The following DLGAP2 variants were observed in gnomAD, a reference collection of about 807,000 sequenced individuals.
DLGAP2 encodes the protein disks large-associated protein 2.
In DLGAP2, 26 loss-of-function variants were observed where a neutral mutation model predicts 100.3. The observed-to-expected ratio is 0.26, with a 90% CI of 0.19 to 0.36. DLGAP2 has a LOEUF of 0.36. DLGAP2 is among the 10% of genes least tolerant of loss of function. The pLI is 1.00. For synonymous variants in DLGAP2, 886 were observed against 630.1 expected (o/e 1.41, Z -6.08); for missense variants, 1,858 against 1,453.2 (o/e 1.28, Z -4.53).
At chr8:871,035 T>A (rs1797587497) in intron 1 of DLGAP2, among the ~76,000 whole-genome samples, 1 of 152,208 alleles carries the variant, frequency 6.6e-6, no homozygotes, top group Non-Finnish European at 1.5e-5. Flanking sequence ...GACTCAGTGG[T>A]CCCCTTAACC....
rs191557113 is a variant in DLGAP2, at chr8:1,438,024, A to C, written c.107-63342A>C. Among the ~76,000 whole-genome samples, 235 of 152,136 alleles carry C rather than the reference A, an allele frequency of 1.5e-3. 1 individual carries two copies. Among genetic ancestry groups the C allele is most frequent in the African/African-American group, 5.4e-3 (223 of 41,512 alleles). ...TGAATAAAATAAAAACCAAAGTAGG[A>C]AAAGAGGCCTAAGTTAAAATTTGGT... On this transcript the variant is annotated intron_variant, in intron 3 of 14. Coordinates refer to ENST00000637795, the MANE Select transcript of DLGAP2 (RefSeq NM_001346810.2).
chr8:977,592 A>G (rs562559165), intron 2 of DLGAP2, among the ~76,000 whole-genome samples: 17 of 152,260 alleles, frequency 1.1e-4, no homozygotes, highest in Middle Eastern at 6.3e-3. Context: ...AATGAGTTTT[A>G]ACAGGATCCA....
rs1799743976 is a variant in DLGAP2 at position 1,707,684 on chromosome 8, G to A, written c.*6278G>A. On this transcript the variant is annotated 3_prime_UTR_variant, in exon 15 of 15. Coordinates refer to ENST00000637795, the MANE Select transcript of DLGAP2 (RefSeq NM_001346810.2). ...TCCATACTACAGACCAAAATACCCA[G>A]GTGTGGCCTAAGGACTATATTAAAT... The A allele has an allele frequency of 6.6e-6, 1 of 152,010 alleles. No homozygotes were observed. Among genetic ancestry groups the A allele is most frequent in the Non-Finnish European group, 1.5e-5 (1 of 68,022 alleles). The allele number at this position is 152,010 out of a possible 1,614,324, so 9.4% of individuals were successfully genotyped here. A position where few individuals can be genotyped will look rare whatever the true frequency, so the allele number is the denominator to read the frequency against.
intron 3 of DLGAP2, among the ~76,000 whole-genome samples, chr8:1,411,260 T>C (rs1796722747): frequency 6.6e-6 from 1 of 152,212 alleles, no homozygotes; most frequent in Non-Finnish European, 1.5e-5. Flanking sequence ...CAATGTGCAA[T>C]GCATAGCTAC....
chr8:1,603,278 T>G (rs1362395832), intron 6 of DLGAP2, among the ~76,000 whole-genome samples: 5 of 149,092 alleles, frequency 3.4e-5, no homozygotes, highest in African/African-American at 1.2e-4. Context: ...GTCTCAGTTC[T>G]GTAGAGGCTG....
At chr8:1,577,146 C>T (rs1400714744) in intron 6 of DLGAP2, among the ~76,000 whole-genome samples, 3 of 152,210 alleles carry the variant, frequency 2.0e-5, no homozygotes, top group Non-Finnish European at 1.5e-5. Flanking sequence ...CTAATGTTCT[C>T]ATCACAAAAA....
chr8:921,167 T>G (rs939028870), intron 2 of DLGAP2, among the ~76,000 whole-genome samples: 1 of 152,216 alleles, frequency 6.6e-6, no homozygotes, highest in Admixed American at 6.5e-5. Context: ...CTTCCTTTTT[T>G]GTTTATAGTC....
chr8:799,497 T>G (rs1796104241), intron 1 of DLGAP2, among the ~76,000 whole-genome samples: 1 of 152,256 alleles, frequency 6.6e-6, no homozygotes, highest in Non-Finnish European at 1.5e-5. Context: ...ACTTCATGTT[T>G]TGTTTTTGGC....
chr8:1,123,866 C>T (rs929967145), intron 2 of DLGAP2, among the ~76,000 whole-genome samples: 1 of 152,024 alleles, frequency 6.6e-6, no homozygotes, highest in African/African-American at 2.4e-5. Flanking sequence ...TCCTGTTTGC[C>T]TAAAAATTAT....
At chr8:923,323 C>T (rs992050153) in intron 2 of DLGAP2, among the ~76,000 whole-genome samples, 5 of 152,226 alleles carry the variant, frequency 3.3e-5, no homozygotes, top group Admixed American at 1.3e-4. Context: ...TCCTGTGTCA[C>T]GTCCCATGAC....
chr8:1,524,081 C>T (rs1584889448), intron 4 of DLGAP2, among the ~76,000 whole-genome samples: 2 of 152,174 alleles, frequency 1.3e-5, no homozygotes, highest in African/African-American at 4.8e-5. Flanking sequence ...AAGAGTTCAG[C>T]GGTGCCTCCA....
At chr8:1,042,096 A>G (rs1802371812) in intron 2 of DLGAP2, among the ~76,000 whole-genome samples, 1 of 152,130 alleles carries the variant, frequency 6.6e-6, no homozygotes, top group Admixed American at 6.5e-5. Flanking sequence ...GCAAACCCCA[A>G]CACAGACAGG....
At chr8:879,606 C>T (rs2128993055) in intron 1 of DLGAP2, among the ~76,000 whole-genome samples, 1 of 152,290 alleles carries the variant, frequency 6.6e-6, no homozygotes, top group Middle Eastern at 3.4e-3. Flanking sequence ...TTCCTAGGAG[C>T]CAAGAACACA....
intron 2 of DLGAP2, among the ~76,000 whole-genome samples, chr8:1,082,016 G>T (rs905769330): frequency 1.3e-5 from 2 of 152,166 alleles, no homozygotes; most frequent in African/African-American, 2.4e-5. Flanking sequence ...TCTTTTCCCT[G>T]TTCTGAAAAT....
chr8:1,429,249 G>C (rs1797336255), intron 3 of DLGAP2, among the ~76,000 whole-genome samples: 1 of 152,132 alleles, frequency 6.6e-6, no homozygotes, highest in Admixed American at 6.5e-5. Context: ...GGTTCAGCTG[G>C]TGGTTTCTGA....
At chr8:1,195,671 GT>G (rs1797735279) in intron 2 of DLGAP2, among the ~76,000 whole-genome samples, 1 of 146,052 alleles carries the variant, frequency 6.8e-6, no homozygotes, top group African/African-American at 2.4e-5. Context: ...CTTCTTTTTT[GT>G]TTATGGACGT....
At chr8:769,181 A>G (rs1821292995) in intron 1 of DLGAP2, among the ~76,000 whole-genome samples, 1 of 152,176 alleles carries the variant, frequency 6.6e-6, no homozygotes, top group African/African-American at 2.4e-5. Context: ...ATAAATAATG[A>G]TAAACAGAAG....
At chr8:1,015,054 T>A (rs1208206183) in intron 2 of DLGAP2, among the ~76,000 whole-genome samples, 1 of 28,324 alleles carries the variant, frequency 3.5e-5, no homozygotes, top group African/African-American at 1.7e-4. Context: ...ACTGTGTGTG[T>A]GACCAGGACA....
chr8:1,097,965 C>T (rs181841739), intron 2 of DLGAP2, among the ~76,000 whole-genome samples: 2 of 152,398 alleles, frequency 1.3e-5, no homozygotes, highest in East Asian at 1.9e-4. Flanking sequence ...CTGCCTTTGA[C>T]TGAGTCTGCT....
Sources: allele counts gnomAD v4.1 joint callset (sites outside exome capture counted in the v4.1 genomes callset), GRCh38; gene constraint gnomAD v4.1.1; transcripts MANE v1.5; gene names NCBI Gene and HGNC (gene_info 2026-07-23, HGNC 2026-07-21).